The following SLC25A48 variants were observed in gnomAD, a reference collection of about 807,000 sequenced individuals.
The protein encoded by SLC25A48 is solute carrier family 25 member 48.
A neutral mutation model predicts 32.2 loss-of-function variants in SLC25A48; 29 were observed. That is an observed-to-expected ratio of 0.90 (90% CI 0.67 to 1.23). The LOEUF is 1.23. Ranked by LOEUF, SLC25A48 falls within the 50% of genes most tolerant of loss-of-function variation. The pLI, the probability that SLC25A48 is intolerant of heterozygous loss-of-function variation, is 0.00. For synonymous variants in SLC25A48, 164 were observed against 172.3 expected (o/e 0.95, Z 0.38); for missense variants, 399 against 422.7 (o/e 0.94, Z 0.49).
intron 3 of SLC25A48, among the ~76,000 whole-genome samples, chr5:135,661,252 G>T (rs1753389289): frequency 6.6e-6 from 1 of 152,232 alleles, no homozygotes; most frequent in African/African-American, 2.4e-5. Flanking sequence ...CAGATGCGGG[G>T]AGAGACAGCA....
intron 3 of SLC25A48, among the ~76,000 whole-genome samples, chr5:135,668,671 TCACAGCTGC>T (rs1753579731): frequency 6.6e-6 from 1 of 152,112 alleles, no homozygotes; most frequent in African/African-American, 2.4e-5. Flanking sequence ...AGAACATCAA[TCACAGCTGC>T]CACCTTTGAC....
At chr5:135,595,396 G>A (rs947019842) in intron 1 of SLC25A48, among the ~76,000 whole-genome samples, 1 of 152,178 alleles carries the variant, frequency 6.6e-6, no homozygotes, top group African/African-American at 2.4e-5. Flanking sequence ...GGATTGGAAG[G>A]TTATTGATGG....
Position 135,716,729 on chromosome 5 carries a change from G to A in SLC25A48, c.-521+81773G>A, listed in dbSNP as rs143849686. Among the ~76,000 whole-genome samples the A allele has an allele frequency of 2.4e-3, 366 of 152,322 alleles. 3 individuals carry two copies. The highest frequency in any genetic ancestry group is 8.5e-3 in the African/African-American group (354 of 41,576). On this transcript the variant is annotated intron_variant, in intron 3 of 10. Transcript: ENST00000646290. Reference sequence around the variant, plus strand: ...TGTAAAAGGTCGATTAGGGCAAGGCGTTGGGTCTGAAGCCTTAAATTACAA... The same window carrying A: ...TGTAAAAGGTCGATTAGGGCAAGGCATTGGGTCTGAAGCCTTAAATTACAA...
chr5:135,630,690 C>T (rs1436369887), intron 2 of SLC25A48, among the ~76,000 whole-genome samples: 1 of 141,546 alleles, frequency 7.1e-6, no homozygotes, highest in East Asian at 2.1e-4. Flanking sequence ...CAACATTTGC[C>T]TCCCAGGTTC....
At position 135,871,682 on chromosome 5, in the gene SLC25A48, A is replaced by T; in HGVS notation, c.643A>T (p.Ser215Cys). Residue 215 changes from serine (S) to cysteine (C), a missense_variant, in exon 5 of 8, where the codon AGC becomes TGC. By Grantham distance (112) the Ser-to-Cys change is moderately radical. Transcript: ENST00000681962. Reference protein sequence around the residue: ...WITPEACTGPSPCAVWLAGGM... With the variant: ...WITPEACTGPCPCAVWLAGGM... ...CACACCTGAGGCCTGCACAGGCCCC[A>T]GCCCCTGTGCCGTGTGGCTGGCGGG... 1 of 1,614,074 alleles carries T rather than the reference A, an allele frequency of 6.2e-7. No homozygotes were observed. The highest frequency in any genetic ancestry group is 8.5e-7 in the Non-Finnish European group (1 of 1,179,934).
intron 3 of SLC25A48, among the ~76,000 whole-genome samples, chr5:135,677,435 G>A (rs1753797238): frequency 1.3e-5 from 2 of 151,970 alleles, no homozygotes; most frequent in Non-Finnish European, 2.9e-5. Context: ...TTTACACTAA[G>A]GGTTATTGTT....
chr5:135,707,057 T>A (rs1175857667), intron 3 of SLC25A48, among the ~76,000 whole-genome samples: 2 of 152,080 alleles, frequency 1.3e-5, no homozygotes, highest in Admixed American at 1.3e-4. Context: ...GCACTTCCAG[T>A]GAGGCATGAC....
At chr5:135,824,627 G>T (rs1757980903) in intron 4 of SLC25A48, 1 of 152,268 alleles carries the variant, frequency 6.6e-6, no homozygotes. Context: ...TGGTCCTGCA[G>T]CCCAAGACAC....
chr5:135,743,693 G>A (rs909159644), intron 3 of SLC25A48, among the ~76,000 whole-genome samples: 2 of 152,204 alleles, frequency 1.3e-5, no homozygotes, highest in Non-Finnish European at 2.9e-5. Flanking sequence ...CCCATCAACA[G>A]ACAGCTGTTA....
intron 3 of SLC25A48, among the ~76,000 whole-genome samples, chr5:135,800,355 T>G (rs773245031): frequency 6.6e-6 from 1 of 151,902 alleles, no homozygotes; most frequent in Non-Finnish European, 1.5e-5. Context: ...TTATTCCCAA[T>G]ATCGAAGGGG....
rs1319946198 is a variant in SLC25A48 at position 135,728,242 on chromosome 5, C to A, written c.-520-84281C>A. Among the ~76,000 whole-genome samples, 44 of 123,174 alleles carry A rather than the reference C, an allele frequency of 3.6e-4. 1 individual carries two copies. Among genetic ancestry groups the A allele is most frequent in the Non-Finnish European group, 1.0e-4 (6 of 58,994 alleles). 80.8% of individuals were successfully genotyped at this position (123,174 alleles called of 152,430 possible). A position where few individuals can be genotyped will look rare whatever the true frequency, so the allele number is the denominator to read the frequency against. On this transcript the variant is annotated intron_variant, in intron 3 of 10. Transcript: ENST00000646290. ...CTGCACTCCAGCGTGGGTGACAGATCGAGACTCTGTCTCAAAAAAAAAAAA... is the reference window on the plus strand; with the variant it reads ...CTGCACTCCAGCGTGGGTGACAGATAGAGACTCTGTCTCAAAAAAAAAAAA...
chr5:135,730,215 T>A (rs1448839987), intron 3 of SLC25A48, among the ~76,000 whole-genome samples: 1 of 152,226 alleles, frequency 6.6e-6, no homozygotes, highest in African/African-American at 2.4e-5. Context: ...TCCAATTTGA[T>A]ATGGTTTGGC....
chr5:135,615,347 C>G (rs1212522589), intron 1 of SLC25A48, among the ~76,000 whole-genome samples: 1 of 152,166 alleles, frequency 6.6e-6, no homozygotes, highest in Non-Finnish European at 1.5e-5. Context: ...GTCTCAGATA[C>G]AGGTGAGGAA....
chr5:135,764,097 G>T (rs1215289295), intron 3 of SLC25A48, among the ~76,000 whole-genome samples: 1 of 152,000 alleles, frequency 6.6e-6, no homozygotes, highest in Non-Finnish European at 1.5e-5. Context: ...TCCCCATATC[G>T]CAAGGGGTGT....
intron 4 of SLC25A48, among the ~76,000 whole-genome samples, chr5:135,858,361 G>T (rs1438923526): frequency 6.6e-6 from 1 of 152,176 alleles, no homozygotes; most frequent in African/African-American, 2.4e-5. Flanking sequence ...TTCACCAAGT[G>T]CATGGAGGGA....
intron 4 of SLC25A48, among the ~76,000 whole-genome samples, chr5:135,861,491 T>C (rs1760795249): frequency 6.6e-6 from 1 of 152,214 alleles, no homozygotes; most frequent in Non-Finnish European, 1.5e-5. Flanking sequence ...CAGGCATAAC[T>C]ATAGTAGCTA....
At chr5:135,879,440 C>T (rs372014563) in intron 6 of SLC25A48, among the ~76,000 whole-genome samples, 1 of 152,040 alleles carries the variant, frequency 6.6e-6, no homozygotes, top group Non-Finnish European at 1.5e-5. Context: ...ATGGCAAAGC[C>T]GTGCCTCAAC....
intron 2 of SLC25A48, among the ~76,000 whole-genome samples, chr5:135,846,431 C>A (rs1759426230): frequency 1.3e-5 from 2 of 152,180 alleles, no homozygotes; most frequent in African/African-American, 4.8e-5. Context: ...ACTACCCAGT[C>A]CAATCTGGGG....
chr5:135,599,039 C>T (rs115991256), intron 1 of SLC25A48, among the ~76,000 whole-genome samples: 2,181 of 152,036 alleles, frequency 0.014, 49 homozygotes, highest in African/African-American at 0.049. Context: ...CCTCCCTTCT[C>T]GTCATGGCCA....
Sources: gnomAD v4.1 joint callset for allele counts (sites outside exome capture counted in the v4.1 genomes callset) on GRCh38, gnomAD v4.1.1 for gene constraint, MANE v1.5 for transcripts, NCBI Gene and HGNC (gene_info 2026-07-23, HGNC 2026-07-21) for gene names.